TRMT2B: variants seen among roughly 807,000 people sequenced by gnomAD.
The protein encoded by TRMT2B is tRNA methyltransferase 2B.
A neutral mutation model predicts 39.7 loss-of-function variants in TRMT2B; 34 were observed. The observed-to-expected ratio is 0.86, with a 90% CI of 0.65 to 1.14. The LOEUF (loss-of-function observed/expected upper bound fraction) is 1.14. Among genes scored for constraint, TRMT2B ranks in the 50% most tolerant of loss-of-function variants. The pLI, the probability that TRMT2B is intolerant of heterozygous loss-of-function variation, is 0.00. For missense variants in TRMT2B, 318 were observed against 377.2 expected, an observed-to-expected ratio of 0.84 and a Z score of 1.30; for synonymous variants, 132 against 137.3, an observed-to-expected ratio of 0.96 and a Z score of 0.27.
chrX:101,042,094 T>G lies in TRMT2B; in HGVS notation c.196A>C (p.Ser66Arg). Residue 66 changes from serine (S) to arginine (R), a missense_variant, in exon 3 of 14, where the codon AGT (serine) becomes CGT (arginine). Coordinates refer to ENST00000372936, the MANE Select transcript of TRMT2B (RefSeq NM_024917.6). The stretch of plus-strand genomic sequence containing the variant: ...CCAAGATGGCTTGGTTTCTTCTGAC[T>G]TTTTTGTCCTTTCTGACATTTCGTG... ...IATKCQKGQK[S>R]QKKPSHLGPL... 8.3e-7 allele frequency: 1 copy of G among 1,212,019 alleles called. No homozygotes were observed. The highest frequency in any genetic ancestry group is 2.2e-5 in the Admixed American group (1 of 46,032).
chrX:101,029,541 T>C lies in TRMT2B; in HGVS notation c.610-5925A>G, dbSNP rs762822578. Reference sequence around the variant, plus strand: ...TATCACCTTTCAACATATCATATGATTTACTTATTTTTTAAAAAATCTGTC... The same window carrying C: ...TATCACCTTTCAACATATCATATGACTTACTTATTTTTTAAAAAATCTGTC... On this transcript the variant is annotated intron_variant, in intron 7 of 13. Coordinates refer to ENST00000372936, the MANE Select transcript of TRMT2B (RefSeq NM_024917.6). Among the ~76,000 whole-genome samples the C allele has an allele frequency of 3.7e-4, 41 of 111,763 alleles. No individual in the cohort carries two copies. In the South Asian group the frequency reaches 0.015, roughly 41 times the overall value.
chrX:100,982,275 G>T, the TRMT2B span, among the ~76,000 whole-genome samples: 1 of 110,386 alleles, frequency 9.1e-6, no homozygotes, highest in Non-Finnish European at 1.9e-5. Flanking sequence ...TGGATCACCT[G>T]AGGTCAGGAG....
intron 13 of TRMT2B, among the ~76,000 whole-genome samples, chrX:101,018,509 C>T (rs112874014): frequency 0.085 from 9,009 of 105,820 alleles, 364 homozygotes; most frequent in Admixed American, 0.12. Flanking sequence ...ATGGCGCGAT[C>T]TTGGCTCTTG....
chrX:101,043,743 T>C (rs1261988691), intron 2 of TRMT2B: 1 of 111,577 alleles, frequency 9.0e-6, no homozygotes, highest in Non-Finnish European at 1.9e-5. Flanking sequence ...AGAGATGAAT[T>C]AGATGTTTGA....
Position 101,051,620 on chromosome X carries a change from G to T in TRMT2B, c.-393C>A, listed in dbSNP as rs759414022. 539 of 753,519 alleles carry T rather than the reference G, an allele frequency of 7.2e-4. 6 individuals carry two copies. The South Asian group carries it at 0.032, about 45-fold the overall frequency. The allele number at this position is 753,519 out of a possible 1,213,427, so 62.1% of individuals were successfully genotyped here. The stretch of plus-strand genomic sequence containing the variant: ...AGGGAGTGGGAGGAGTTAGGGCACA[G>T]GCCCACGCTGGGCCGTACACGACCT... On this transcript the variant is annotated 5_prime_UTR_variant, in exon 2 of 14. In the 5' UTR this introduces an upstream ATG that the reference lacks. Coordinates refer to ENST00000372936, the MANE Select transcript of TRMT2B (RefSeq NM_024917.6).
chrX:100,996,527 A>T, the TRMT2B span, among the ~76,000 whole-genome samples: 1 of 111,866 alleles, frequency 8.9e-6, no homozygotes, highest in Non-Finnish European at 1.9e-5. Flanking sequence ...ATGAAAAAAT[A>T]TGTGCAACTA....
At chrX:101,018,360 G>A (rs1372155906) in intron 13 of TRMT2B, among the ~76,000 whole-genome samples, 1 of 108,075 alleles carries the variant, frequency 9.3e-6, no homozygotes, top group East Asian at 2.9e-4. Flanking sequence ...AGAAAATATT[G>A]CACTAAAAAT....
chrX:101,044,839 CAAAAAAAAAAAAA>C (rs753968399), intron 2 of TRMT2B, among the ~76,000 whole-genome samples: 1 of 31,051 alleles, frequency 3.2e-5, no homozygotes, highest in African/African-American at 1.2e-4. Context: ...AACTCGGTCT[CAAAAAAAAAAAAA>C]AAAAAAAAAC....
Position 101,017,436 on chromosome X carries a change from C to A in TRMT2B, c.1388+1535G>T, listed in dbSNP as rs181025793. On this transcript the variant is annotated intron_variant, in intron 13 of 13. Transcript: ENST00000372936. Reference sequence around the variant, plus strand: ...CTTTTTCTAGCTCATGACTTGAAAGCTCAAATCACTTCGTTTTTTATACAT... The same window carrying A: ...CTTTTTCTAGCTCATGACTTGAAAGATCAAATCACTTCGTTTTTTATACAT... Among the ~76,000 whole-genome samples, 597 of 111,312 alleles carry A rather than the reference C, an allele frequency of 5.4e-3. 1 individual carries two copies. The highest frequency in any genetic ancestry group is 0.039 in the South Asian group (104 of 2,667).
At chrX:100,974,053 G>T in the TRMT2B span, 1 of 824,658 alleles carries the variant, frequency 1.2e-6, no homozygotes, top group South Asian at 2.3e-5. Context: ...CAATAAGGAA[G>T]AGTATAACTC....
In TRMT2B at chrX:101,051,326, A is replaced by C; in HGVS notation, c.-99T>G. 2 of 753,625 alleles carry C rather than the reference A, an allele frequency of 2.7e-6. No individual in the cohort carries two copies. The highest frequency in any genetic ancestry group is 3.1e-6 in the Non-Finnish European group (2 of 639,251). 62.1% of individuals were successfully genotyped at this position (753,625 alleles called of 1,213,427 possible). A position where few individuals can be genotyped will look rare whatever the true frequency, so the allele number is the denominator to read the frequency against. On this transcript the variant is annotated 5_prime_UTR_variant, in exon 2 of 14. Coordinates refer to ENST00000372936, the MANE Select transcript of TRMT2B (RefSeq NM_024917.6). ...AGGGTCCTGCTTGCACTCTCTGCTC[A>C]CCCTTCCTTCAGCTGGACCGGCTCC...
chrX:101,044,839 C>CA (rs753968399), intron 2 of TRMT2B, among the ~76,000 whole-genome samples: 6,237 of 30,535 alleles, frequency 0.2, 664 homozygotes, highest in African/African-American at 0.23. Context: ...AACTCGGTCT[C>CA]AAAAAAAAAA....
intron 4 of TRMT2B, among the ~76,000 whole-genome samples, chrX:101,040,909 C>A (rs1201818195): frequency 9.0e-6 from 1 of 111,685 alleles, no homozygotes; most frequent in Non-Finnish European, 1.9e-5. Context: ...TGGGATTCTG[C>A]GTAGAACTGT....
chrX:100,980,067 G>A, the TRMT2B span, among the ~76,000 whole-genome samples: 3 of 110,480 alleles, frequency 2.7e-5, no homozygotes, highest in African/African-American at 9.9e-5. Context: ...ACAGTACTGA[G>A]TCTCACCTAA....
the TRMT2B span, among the ~76,000 whole-genome samples, chrX:100,977,369 CTTTTTTTT>C: frequency 1.8e-5 from 1 of 56,462 alleles, no homozygotes; most frequent in African/African-American, 7.2e-5. Context: ...CTACTCTCTT[CTTTTTTTT>C]TTTTTTTTTT....
At chrX:101,039,226 C>T (rs2088064046) in intron 4 of TRMT2B, among the ~76,000 whole-genome samples, 1 of 109,996 alleles carries the variant, frequency 9.1e-6, no homozygotes, top group African/African-American at 3.3e-5. Context: ...CATGCCACCA[C>T]ACCTGGCTAA....
In TRMT2B at chrX:101,018,988, G is replaced by T; in HGVS notation, c.1371C>A (p.Ser457=). 1 of 1,202,290 alleles carries T rather than the reference G, an allele frequency of 8.3e-7. No homozygotes were observed. Residue 457 remains serine, a synonymous_variant, in exon 13 of 14, where the codon TCC becomes TCA. Transcript: ENST00000372936. ...AGACTTACTCAATGACATTCCTAGT[G>T]GATTCACCATGGAGCTTGCAGGAAA... ...VFVSCKLHGE[S]TRNVIELCCP...
chrX:101,005,880 CAAAA>C (rs370275736), downstream of TRMT2B, among the ~76,000 whole-genome samples: 6 of 64,268 alleles, frequency 9.3e-5, no homozygotes, highest in Admixed American at 5.0e-4. Flanking sequence ...GATTCCCACT[CAAAA>C]AAAAAAAAAA....
chrX:101,032,794 AG>A (rs2087572849), intron 7 of TRMT2B, among the ~76,000 whole-genome samples: 1 of 103,552 alleles, frequency 9.7e-6, no homozygotes, highest in African/African-American at 3.5e-5. Flanking sequence ...AAAAAAAAAA[AG>A]ACTAGAGACC....
Sources: allele counts gnomAD v4.1 joint callset (sites outside exome capture counted in the v4.1 genomes callset), GRCh38; gene constraint gnomAD v4.1.1; transcripts MANE v1.5; gene names NCBI Gene and HGNC (gene_info 2026-07-23, HGNC 2026-07-21).